DPF3: variants seen among roughly 807,000 people sequenced by gnomAD.
DPF3 encodes double PHD fingers 3, also known as zinc finger protein DPF3.
In DPF3, 18 loss-of-function variants were observed where a neutral mutation model predicts 56.8. The observed-to-expected ratio is 0.32, with a 90% CI of 0.22 to 0.47. The LOEUF (loss-of-function observed/expected upper bound fraction) is 0.47, where lower values mean the gene tolerates loss of function less well. Ranked by LOEUF, DPF3 falls within the 20% of genes least tolerant of loss-of-function variation. The pLI is 1.00. For synonymous variants in DPF3, 188 were observed against 180.2 expected (o/e 1.04, Z -0.35); for missense variants, 403 against 488.8 (o/e 0.82, Z 1.65).
chr14:72,768,825 T>C (rs1891392985), intron 2 of DPF3, among the ~76,000 whole-genome samples: 4 of 152,078 alleles, frequency 2.6e-5, no homozygotes, highest in African/African-American at 4.8e-5. Flanking sequence ...TAATGGAATA[T>C]ACCCTAAGGA....
intron 6 of DPF3, among the ~76,000 whole-genome samples, chr14:72,707,811 A>AT (rs35089717): frequency 0.37 from 53,468 of 146,482 alleles, 9,895 homozygotes; most frequent in East Asian, 0.55. Context: ...TTTTTCCTCT[A>AT]TTTTTTTTTT....
intron 1 of DPF3, among the ~76,000 whole-genome samples, chr14:72,833,352 A>C (rs1294803682): frequency 1.3e-5 from 2 of 152,194 alleles, no homozygotes; most frequent in Non-Finnish European, 2.9e-5. Flanking sequence ...ATCCGGGAGG[A>C]GGCGAAGGCT....
chr14:72,743,914 T>C (rs1374116587), intron 3 of DPF3, among the ~76,000 whole-genome samples: 2 of 152,242 alleles, frequency 1.3e-5, no homozygotes, highest in Non-Finnish European at 2.9e-5. Context: ...CAGAGAACAC[T>C]GAACTCAATT....
chr14:72,756,602 C>T lies in DPF3; in HGVS notation c.194-3231G>A, dbSNP rs574234079. ...CCAAGGCCAGCAGATCACTGAAGCC[C>T]AGGAGTTCAAGACCAGCCTGGCCAA... On this transcript the variant is annotated intron_variant, in intron 2 of 10. Transcript: ENST00000556509. Among the ~76,000 whole-genome samples the T allele has an allele frequency of 3.9e-5, 6 of 152,044 alleles. No individual in the cohort carries two copies. The East Asian group carries it at 1.2e-3, about 29-fold the overall frequency.
chr14:72,792,319 C>T (rs1359296085), intron 1 of DPF3, among the ~76,000 whole-genome samples: 2 of 152,200 alleles, frequency 1.3e-5, no homozygotes, highest in East Asian at 3.9e-4. Flanking sequence ...CTGTGCTTCC[C>T]TAAGTCCTTT....
At chr14:72,777,345 CAG>C (rs1891784844) in intron 1 of DPF3, among the ~76,000 whole-genome samples, 3 of 152,218 alleles carry the variant, frequency 2.0e-5, no homozygotes, top group East Asian at 3.8e-4. Context: ...AACTGGCACA[CAG>C]GGGGCAATAT....
intron 2 of DPF3, among the ~76,000 whole-genome samples, chr14:72,771,144 GCAA>G (rs1841909007): frequency 6.7e-6 from 1 of 149,606 alleles, no homozygotes; most frequent in African/African-American, 2.5e-5. Context: ...TCCAGCCTGG[GCAA>G]CACAGCAAGA....
chr14:72,823,840 AATC>A (rs1883665117), intron 1 of DPF3, among the ~76,000 whole-genome samples: 1 of 152,218 alleles, frequency 6.6e-6, no homozygotes, highest in South Asian at 2.1e-4. Context: ...ACCCAGTGGC[AATC>A]ATTGTGAGAA....
intron 1 of DPF3, among the ~76,000 whole-genome samples, chr14:72,881,333 T>TTGC (rs1236280057): frequency 6.7e-6 from 1 of 148,424 alleles, no homozygotes; most frequent in Non-Finnish European, 1.5e-5. Context: ...GTTGTTGTTG[T>TTGC]TGCTGTTGTT....
chr14:72,712,729 T>C (rs1476935168), intron 6 of DPF3, among the ~76,000 whole-genome samples: 1 of 152,036 alleles, frequency 6.6e-6, no homozygotes, highest in Non-Finnish European at 1.5e-5. Flanking sequence ...TAGCCAAGCA[T>C]AGTGGCATGG....
intron 8 of DPF3, among the ~76,000 whole-genome samples, chr14:72,642,148 A>G (rs900942104): frequency 6.6e-6 from 1 of 152,180 alleles, no homozygotes; most frequent in East Asian, 1.9e-4. Flanking sequence ...GCCTTGGCCA[A>G]CATCTGGACT....
chr14:72,827,898 G>A (rs887302766), intron 1 of DPF3, among the ~76,000 whole-genome samples: 1 of 152,082 alleles, frequency 6.6e-6, no homozygotes, highest in Non-Finnish European at 1.5e-5. Flanking sequence ...GCTGTAGTAA[G>A]CCAAGGTCAC....
intron 1 of DPF3, among the ~76,000 whole-genome samples, chr14:72,788,139 T>A (rs1250267058): frequency 1.3e-5 from 2 of 152,170 alleles, no homozygotes; most frequent in African/African-American, 2.4e-5. Context: ...ACTTGGTAAG[T>A]GTTCATTCTG....
In DPF3 at chr14:72,618,426, C is replaced by T. The variant is rs1884220414; in HGVS notation, c.*871G>A. Among the ~76,000 whole-genome samples, 1 of 152,322 alleles carries T rather than the reference C, an allele frequency of 6.6e-6. No homozygotes were observed. On this transcript the variant is annotated 3_prime_UTR_variant, in exon 11 of 11. Coordinates refer to ENST00000556509, the MANE Select transcript of DPF3 (RefSeq NM_001280542.3). Reference sequence around the variant, plus strand: ...CCCACCAGGAGAAGCTGAACCAGGTCTCCAGAACCAGGTGGGCTGAGAGGC... The same window carrying T: ...CCCACCAGGAGAAGCTGAACCAGGTTTCCAGAACCAGGTGGGCTGAGAGGC...
At chr14:72,692,250 A>T (rs1200989910) in intron 7 of DPF3, among the ~76,000 whole-genome samples, 2 of 152,222 alleles carry the variant, frequency 1.3e-5, no homozygotes, top group Non-Finnish European at 2.9e-5. Context: ...TGGCCTGTCC[A>T]CGAATATTCT....
intron 1 of DPF3, among the ~76,000 whole-genome samples, chr14:72,888,002 A>G (rs1886614083): frequency 6.6e-6 from 1 of 152,208 alleles, no homozygotes. Flanking sequence ...GCAACCTGAG[A>G]TGATCACAGT....
intron 1 of DPF3, among the ~76,000 whole-genome samples, chr14:72,847,837 A>G (rs1003470779): frequency 6.6e-6 from 1 of 152,170 alleles, no homozygotes; most frequent in Non-Finnish European, 1.5e-5. Flanking sequence ...TTTTTATGAT[A>G]GCCTCTACCT....
intron 2 of DPF3, among the ~76,000 whole-genome samples, chr14:72,761,511 C>T (rs1599418411): frequency 6.6e-6 from 1 of 152,040 alleles, no homozygotes; most frequent in East Asian, 1.9e-4. Context: ...ATATTTTGAA[C>T]TGAATGAAAC....
intron 4 of DPF3, among the ~76,000 whole-genome samples, chr14:72,728,610 C>T (rs1889508429): frequency 6.6e-6 from 1 of 152,098 alleles, no homozygotes. Context: ...TAGGACATGT[C>T]AGAGACGGGA....
Sources: gnomAD v4.1 joint callset for allele counts (sites outside exome capture counted in the v4.1 genomes callset) on GRCh38, gnomAD v4.1.1 for gene constraint, MANE v1.5 for transcripts, NCBI Gene and HGNC (gene_info 2026-07-23, HGNC 2026-07-21) for gene names.